NFIX: variants seen among roughly 807,000 people sequenced by gnomAD.
NFIX encodes nuclear factor 1 X-type.
Under a neutral mutation model 53.3 loss-of-function variants are expected in NFIX, and 2 were observed. That is an observed-to-expected ratio of 0.04 (90% CI 0.02 to 0.12). NFIX has a LOEUF of 0.12. NFIX is among the 10% of genes least tolerant of loss of function. The pLI is 1.00. For synonymous variants in NFIX, 244 were observed against 289.0 expected (o/e 0.84, Z 1.58); for missense variants, 310 against 674.5 (o/e 0.46, Z 5.99).
At chr19:13,079,665 G>A (rs543868134) in intron 7 of NFIX, among the ~76,000 whole-genome samples, 4 of 152,256 alleles carry the variant, frequency 2.6e-5, no homozygotes, top group South Asian at 2.1e-4. Context: ...TGTGGTGGCC[G>A]CGAGGTGGGG....
intron 1 of NFIX, among the ~76,000 whole-genome samples, chr19:13,010,622 G>T (rs942854935): frequency 6.6e-6 from 1 of 152,216 alleles, no homozygotes; most frequent in African/African-American, 2.4e-5. Flanking sequence ...CTTTCCCTCC[G>T]ATGGAGCTTT....
chr19:13,087,452 G>A (rs772855018), intron 8 of NFIX, among the ~76,000 whole-genome samples: 11 of 152,106 alleles, frequency 7.2e-5, no homozygotes, highest in Admixed American at 4.6e-4. Flanking sequence ...AGCCGAGGAC[G>A]AGCTCCCCAA....
At chr19:13,092,258 C>T (rs1599885258) in intron 10 of NFIX, among the ~76,000 whole-genome samples, 1 of 152,188 alleles carries the variant, frequency 6.6e-6, no homozygotes, top group African/African-American at 2.4e-5. Context: ...CCCTGGGCAG[C>T]GCTTTTTACT....
rs35128120 is a variant in NFIX at position 13,059,777 on chromosome 19, C to CTTTT, written c.560-13249_560-13246dup. 2.9e-3 allele frequency among the ~76,000 whole-genome samples: 174 copies of CTTTT among 60,344 alleles called. 1 individual carries two copies. The highest frequency in any genetic ancestry group is 4.6e-3 in the East Asian group (7 of 1,512). 39.6% of individuals were successfully genotyped at this position (60,344 alleles called of 152,430 possible). On this transcript the variant is annotated intron_variant, in intron 2 of 10. Coordinates refer to ENST00000592199, the MANE Select transcript of NFIX (RefSeq NM_001365902.3). Reference sequence around the variant, plus strand: ...TTTCTAATTTGATTTAATTAGAATTCTTTTTTTTTTTTTTTTTTTTTTTTG... The same window carrying CTTTT: ...TTTCTAATTTGATTTAATTAGAATTCTTTTTTTTTTTTTTTTTTTTTTTTTTTTG...
Position 12,995,799 on chromosome 19 carries a change from C to T in NFIX, c.-39C>T. ...CCGCCGCCTGCCGGGCCTCCCCTCG[C>T]CGCGGCCGGCCGCCGCGCTCCCGCC... On this transcript the variant is annotated 5_prime_UTR_variant, in exon 1 of 11. Transcript: ENST00000592199. 1.0e-6 allele frequency: 1 copy of T among 970,308 alleles called. No individual in the cohort carries two copies. Among genetic ancestry groups the T allele is most frequent in the Non-Finnish European group, 1.2e-6 (1 of 817,742 alleles). The allele number at this position is 970,308 out of a possible 1,614,324, so 60.1% of individuals were successfully genotyped here.
At chr19:13,055,741 G>A (rs776110087) in intron 2 of NFIX, among the ~76,000 whole-genome samples, 4 of 152,146 alleles carry the variant, frequency 2.6e-5, no homozygotes, top group Admixed American at 2.6e-4. Context: ...CCTCAGGCTC[G>A]GCTGGCCCCA....
intron 1 of NFIX, among the ~76,000 whole-genome samples, chr19:13,017,000 C>G (rs1350338021): frequency 6.6e-6 from 1 of 152,128 alleles, no homozygotes; most frequent in East Asian, 1.9e-4. Flanking sequence ...AACCGTGATT[C>G]AACAGAGCGA....
intron 10 of NFIX, among the ~76,000 whole-genome samples, chr19:13,092,191 A>T (rs1351535065): frequency 1.3e-5 from 2 of 152,234 alleles, no homozygotes; most frequent in Non-Finnish European, 2.9e-5. Context: ...GGAGCACCAG[A>T]TGGAGAGAGA....
At chr19:13,032,778 C>T (rs574499015) in intron 2 of NFIX, among the ~76,000 whole-genome samples, 1 of 152,074 alleles carries the variant, frequency 6.6e-6, no homozygotes, top group South Asian at 2.1e-4. Flanking sequence ...GGAGTTGAGG[C>T]CAAAAAGAAA....
Position 13,036,552 on chromosome 19 carries a change from G to C in NFIX, c.559+11000G>C, listed in dbSNP as rs183699091. Among the ~76,000 whole-genome samples, 75 of 152,258 alleles carry C rather than the reference G, an allele frequency of 4.9e-4. No homozygotes were observed. Among genetic ancestry groups the C allele is most frequent in the African/African-American group, 1.7e-3 (70 of 41,544 alleles). On this transcript the variant is annotated intron_variant, in intron 2 of 10. Coordinates refer to ENST00000592199, the MANE Select transcript of NFIX (RefSeq NM_001365902.3). The surrounding 1 kb of genome is among the most constrained non-coding windows in gnomAD (Gnocchi z 4.7). ...TGGACTGGGCGGAGCTGTGTGGAGCGATCGGGAGATCCCCGGAGGCGACCT... is the reference window on the plus strand; with the variant it reads ...TGGACTGGGCGGAGCTGTGTGGAGCCATCGGGAGATCCCCGGAGGCGACCT...
chr19:13,082,934 C>T (rs1381218241), intron 8 of NFIX, among the ~76,000 whole-genome samples: 2 of 152,200 alleles, frequency 1.3e-5, no homozygotes. Flanking sequence ...TCTGGCAGAG[C>T]GAGCATTTGC....
intron 2 of NFIX, among the ~76,000 whole-genome samples, chr19:13,035,692 C>T (rs1206022425): frequency 6.6e-6 from 1 of 152,140 alleles, no homozygotes; most frequent in Non-Finnish European, 1.5e-5. Context: ...AAACTACTGT[C>T]CTGTGCCTGA....
In NFIX at chr19:13,088,146, C is replaced by T. The variant is rs191594241; in HGVS notation, c.1402+10C>T. 172 of 1,536,470 alleles carry T rather than the reference C, an allele frequency of 1.1e-4. 1 individual carries two copies. In the East Asian group the frequency reaches 3.9e-3, roughly 35 times the overall value. On this transcript the variant is annotated intron_variant, in intron 9 of 10. Transcript: ENST00000592199. This position sits in a 1 kb window ranked among gnomAD's most constrained non-coding sequence, Gnocchi z 5.9. The stretch of plus-strand genomic sequence containing the variant: ...ACTCCTCCATCACCTTGTAAGTGGA[C>T]GATGAAACCGAAACCACAACGCCCA...
chr19:13,025,413 C>T lies in NFIX; in HGVS notation c.420C>T (p.Ile140=), dbSNP rs1368251589. ...DLVMVILFKG[I]PLESTDGERL... is the part of the protein sequence containing the mutation. The stretch of plus-strand genomic sequence containing the variant: ...TCATGGTGATTTTGTTTAAGGGGAT[C>T]CCCCTGGAAAGTACTGATGGGGAGC... The change falls in exon 2 of 11, where the codon ATC becomes ATT. Residue 140 remains isoleucine (I), a synonymous_variant. Coordinates refer to ENST00000592199, the MANE Select transcript of NFIX (RefSeq NM_001365902.3). The surrounding 1 kb of genome is among the most constrained non-coding windows in gnomAD (Gnocchi z 7.5). 16 of 1,613,924 alleles carry T rather than the reference C, an allele frequency of 9.9e-6. No individual in the cohort carries two copies. The highest frequency in any genetic ancestry group is 1.4e-5 in the Non-Finnish European group (16 of 1,179,922).
intron 1 of NFIX, chr19:13,023,853 G>T (rs2013111389): frequency 3.4e-6 from 2 of 590,462 alleles, no homozygotes; most frequent in South Asian, 2.0e-5. Context: ...AAGGGTTTGA[G>T]AATCCACCCA....
rs979832481 is a variant in NFIX at position 13,006,945 on chromosome 19, G to T, written c.27+11081G>T. On this transcript the variant is annotated intron_variant, in intron 1 of 10. Coordinates refer to ENST00000592199, the MANE Select transcript of NFIX (RefSeq NM_001365902.3). The surrounding 1 kb of genome is among the most constrained non-coding windows in gnomAD (Gnocchi z 5.6). ...AGTCTCCATTTCGAAGCTTGAGGTG[G>T]GGGTGGGGAAGTGCTGGGCGCCTCC... Among the ~76,000 whole-genome samples the T allele has an allele frequency of 4.6e-5, 7 of 152,224 alleles. No individual in the cohort carries two copies. The highest frequency in any genetic ancestry group is 1.7e-4 in the African/African-American group (7 of 41,452).
At chr19:13,061,092 C>T (rs1007559205) in intron 2 of NFIX, among the ~76,000 whole-genome samples, 2 of 109,166 alleles carry the variant, frequency 1.8e-5, no homozygotes, top group East Asian at 6.5e-4. Context: ...ACCCCCCCCT[C>T]CCCCCCAAAT....
At chr19:13,063,143 C>G (rs2016195003) in intron 2 of NFIX, among the ~76,000 whole-genome samples, 1 of 152,178 alleles carries the variant, frequency 6.6e-6, no homozygotes, top group African/African-American at 2.4e-5. Flanking sequence ...ACCCTCTGTC[C>G]TTTTTGATTT....
rs912116306 is a variant in NFIX, at chr19:13,090,204, T to G, written c.1403-95T>G. The G allele has an allele frequency of 1.7e-6, 2 of 1,175,742 alleles. No homozygotes were observed. Among genetic ancestry groups the G allele is most frequent in the Non-Finnish European group, 2.6e-6 (2 of 783,980 alleles). The allele number at this position is 1,175,742 out of a possible 1,614,324, so 72.8% of individuals were successfully genotyped here. On this transcript the variant is annotated intron_variant, in intron 9 of 10. Coordinates refer to ENST00000592199, the MANE Select transcript of NFIX (RefSeq NM_001365902.3). The surrounding 1 kb of genome is among the most constrained non-coding windows in gnomAD (Gnocchi z 6.6). ...CTAAACTCGGGCAGCATGGTCTAAC[T>G]CAGTCTCTCCCTCTCTCAGCAGCCC...
Sources: allele counts gnomAD v4.1 joint callset (sites outside exome capture counted in the v4.1 genomes callset), GRCh38; gene constraint gnomAD v4.1.1; non-coding constraint Gnocchi (gnomAD v3.1); transcripts MANE v1.5; gene names NCBI Gene and HGNC (gene_info 2026-07-23, HGNC 2026-07-21).